SELE: variants seen among roughly 807,000 people sequenced by gnomAD.
SELE encodes the protein selectin E, also known as E-selectin.
Under a neutral mutation model 75.8 loss-of-function variants are expected in SELE, and 52 were observed. That is an observed-to-expected ratio of 0.69 (90% CI 0.55 to 0.86). The LOEUF (loss-of-function observed/expected upper bound fraction) is 0.86. Ranked by LOEUF, SELE falls within the 40% of genes least tolerant of loss-of-function variation. The pLI, the probability that SELE is intolerant of heterozygous loss-of-function variation, is 0.00. For synonymous variants in SELE, 285 were observed against 258.7 expected (o/e 1.10, Z -0.98); for missense variants, 754 against 732.7 (o/e 1.03, Z -0.34).
rs1218532016 is a variant in SELE, at chr1:169,723,694, T to A, written c.*831A>T. On this transcript the variant is annotated 3_prime_UTR_variant, in exon 14 of 14. Coordinates refer to ENST00000333360, the MANE Select transcript of SELE (RefSeq NM_000450.2). ...TTGCTAGGGGACAATAGTTTCCCTTTTTGAAATAAATTTAAAACAGATGTA... is the reference window on the plus strand; with the variant it reads ...TTGCTAGGGGACAATAGTTTCCCTTATTGAAATAAATTTAAAACAGATGTA... 6.6e-6 allele frequency: 1 copy of A among 152,260 alleles called. No individual in the cohort carries two copies. Among genetic ancestry groups the A allele is most frequent in the African/African-American group, 2.4e-5 (1 of 41,466 alleles). The allele number at this position is 152,260 out of a possible 1,614,324, so 9.4% of individuals were successfully genotyped here. A position where few individuals can be genotyped will look rare whatever the true frequency, so the allele number is the denominator to read the frequency against.
In SELE at chr1:169,725,709, T is replaced by C. The variant is rs764729914; in HGVS notation, c.*15+20A>G. 6.3e-7 allele frequency: 1 copy of C among 1,597,474 alleles called. No homozygotes were observed. The highest frequency in any genetic ancestry group is 2.2e-5 in the East Asian group (1 of 44,738). ...GAGAAGATACCTCTCTCATAACCAT[T>C]TGTGATTTACAAGTCTTACCTGATT... On this transcript the variant is annotated intron_variant, in intron 13 of 13. Transcript: ENST00000333360.
Position 169,730,645 on chromosome 1 carries a change from C to T in SELE, c.530-28G>A, listed in dbSNP as rs1164185763. On this transcript the variant is annotated intron_variant, in intron 4 of 13. Coordinates refer to ENST00000333360, the MANE Select transcript of SELE (RefSeq NM_000450.2). ...GAAAAAGAAACCCAAATCAGTTCTGCTCATCTCTCACCTTTAACAGATAAG... is the reference window on the plus strand; with the variant it reads ...GAAAAAGAAACCCAAATCAGTTCTGTTCATCTCTCACCTTTAACAGATAAG... The T allele has an allele frequency of 3.3e-6, 5 of 1,502,648 alleles. No homozygotes were observed. In the South Asian group the frequency reaches 5.3e-5, roughly 16 times the overall value. 93.1% of individuals were successfully genotyped at this position (1,502,648 alleles called of 1,614,324 possible).
In SELE at chr1:169,728,029, TTAAAA is replaced by T. The variant is rs777266669; in HGVS notation, c.1279+24_1279+28del. The T allele has an allele frequency of 2.1e-5, 33 of 1,584,946 alleles. No homozygotes were observed. In the East Asian group the frequency reaches 6.9e-4, roughly 33 times the overall value. The stretch of plus-strand genomic sequence containing the variant: ...AAGCTCTTCAATAGTTCTTTTTATC[TTAAAA>T]TAAAATAAAAACAAAGACTGTACCT... On this transcript the variant is annotated intron_variant, in intron 8 of 13. Coordinates refer to ENST00000333360, the MANE Select transcript of SELE (RefSeq NM_000450.2).
chr1:169,731,314 C>T (rs1039062949), intron 4 of SELE, among the ~76,000 whole-genome samples: 1 of 152,182 alleles, frequency 6.6e-6, no homozygotes, highest in Non-Finnish European at 1.5e-5. Flanking sequence ...GCTCATCTAA[C>T]TCTCTTAATG....
chr1:169,733,086 G>T, intron 2 of SELE, 88 bp from the exon 3 acceptor site: 1 of 1,370,574 alleles, frequency 7.3e-7, no homozygotes, highest in Non-Finnish European at 9.7e-7. Context: ...TCTTATTTTT[G>T]GCAATGTTTG....
chr1:169,730,190 G>T (rs767067069), intron 5 of SELE, among the ~76,000 whole-genome samples: 2 of 151,990 alleles, frequency 1.3e-5, no homozygotes, highest in South Asian at 2.1e-4. Flanking sequence ...TTGTTTTATG[G>T]TCTCCCTTAC....
intron 2 of SELE, among the ~76,000 whole-genome samples, chr1:169,733,273 T>C (rs926507791): frequency 6.6e-6 from 1 of 152,204 alleles, no homozygotes; most frequent in Non-Finnish European, 1.5e-5. Context: ...AACTAAGCTT[T>C]ATTGAGCACT....
chr1:169,733,607 A>G lies in SELE; in HGVS notation c.6T>C (p.Ile2=). ...TGAGAGCTGAGAGAAACTGTGAAGC[A>G]ATCATGACTTCAAGAGTTCTTTTCA... is the stretch of plus-strand genomic sequence containing the variant. M[I]ASQFLSALTL... is the part of the protein sequence containing the mutation. Residue 2 remains isoleucine (I), a synonymous_variant, in exon 2 of 14, where the codon ATT becomes ATC. Transcript: ENST00000333360. 3 of 1,614,052 alleles carry G rather than the reference A, an allele frequency of 1.9e-6. No individual in the cohort carries two copies. The highest frequency in any genetic ancestry group is 2.5e-6 in the Non-Finnish European group (3 of 1,179,894).
At chr1:169,726,661 CA>C (rs1339124043) in intron 11 of SELE, 37 bp downstream of exon 11, 1 of 1,404,506 alleles carries the variant, frequency 7.1e-7, no homozygotes, top group Non-Finnish European at 1.0e-6. Context: ...AATGTATTTT[CA>C]AAAACATTTT....
rs374959095 is a variant in SELE, at chr1:169,729,507, G to A, written c.882C>T (p.Asn294=). ...CTCTACCTTTACACGTTGGCTTCTCGTTGTCCCAATTCCCAGATGAGGTAC... is the reference window on the plus strand; with the variant it reads ...CTCTACCTTTACACGTTGGCTTCTCATTGTCCCAATTCCCAGATGAGGTAC... ...LQCTSSGNWD[N]EKPTCKAVTC... is the part of the protein sequence containing the mutation. Residue 294 remains asparagine, a synonymous_variant, in exon 6 of 14, where the codon AAC becomes AAT. Transcript: ENST00000333360. 2.0e-5 allele frequency: 33 copies of A among 1,613,962 alleles called. No individual in the cohort carries two copies. The highest frequency in any genetic ancestry group is 1.7e-5 in the Non-Finnish European group (20 of 1,179,974).
chr1:169,725,994 A>G, intron 11 of SELE, 66 bp from the exon 12 acceptor site: 1 of 1,563,798 alleles, frequency 6.4e-7, no homozygotes, highest in Non-Finnish European at 8.8e-7. Context: ...TATTAAATCC[A>G]GATACAATAT....
At chr1:169,728,615 G>A (rs1195102642) in intron 7 of SELE, among the ~76,000 whole-genome samples, 2 of 152,222 alleles carry the variant, frequency 1.3e-5, no homozygotes, top group Non-Finnish European at 2.9e-5. Flanking sequence ...CTGTTTTGCA[G>A]TTTGGTTTTT....
intron 2 of SELE, among the ~76,000 whole-genome samples, 180 bp from the exon 3 acceptor site, chr1:169,733,178 G>A (rs1316363463): frequency 6.6e-6 from 1 of 152,158 alleles, no homozygotes; most frequent in Non-Finnish European, 1.5e-5. Flanking sequence ...TATCTCTTTT[G>A]TGACTGCCAC....
At position 169,723,482 on chromosome 1, in the gene SELE, T is replaced by C. The variant is rs1648676676; in HGVS notation, c.*1043A>G. 1 of 152,268 alleles carries C rather than the reference T, an allele frequency of 6.6e-6. No individual in the cohort carries two copies. The highest frequency in any genetic ancestry group is 6.5e-5 in the Admixed American group (1 of 15,290). 9.4% of individuals were successfully genotyped at this position (152,268 alleles called of 1,614,324 possible). Reference sequence around the variant, plus strand: ...AATTATACCTTTGTGTGTTTGCATTTATGCTTTTATTAGTTCAAAACGTTT... The same window carrying C: ...AATTATACCTTTGTGTGTTTGCATTCATGCTTTTATTAGTTCAAAACGTTT... On this transcript the variant is annotated 3_prime_UTR_variant, in exon 14 of 14. Coordinates refer to ENST00000333360, the MANE Select transcript of SELE (RefSeq NM_000450.2).
At chr1:169,728,036 A>G in intron 8 of SELE, 22 bp downstream of exon 8, 1 of 1,585,896 alleles carries the variant, frequency 6.3e-7, no homozygotes, top group Non-Finnish European at 8.5e-7. Flanking sequence ...ATCTTAAAAT[A>G]AAATAAAAAC....
At chr1:169,724,605 G>C (rs1648700412) in intron 13 of SELE, 96 bp from the exon 14 acceptor site, 2 of 152,178 alleles carry the variant, frequency 1.3e-5, no homozygotes, top group Non-Finnish European at 2.9e-5. Context: ...ACTCTCACTA[G>C]GATAGACCAT....
At chr1:169,730,361 A>G in intron 5 of SELE, 71 bp downstream of exon 5, 1 of 1,321,172 alleles carries the variant, frequency 7.6e-7, no homozygotes, top group Non-Finnish European at 1.0e-6. Flanking sequence ...TGAAAATGTA[A>G]GTTGAATCAA....
At chr1:169,733,331 C>T (rs1228070652) in intron 2 of SELE, among the ~76,000 whole-genome samples, 1 of 152,048 alleles carries the variant, frequency 6.6e-6, no homozygotes, top group Non-Finnish European at 1.5e-5. Context: ...ATGAACCATG[C>T]TATTGAATCC....
Position 169,729,210 on chromosome 1 carries a change from T to C in SELE, c.1066A>G (p.Thr356Ala). 1 of 1,612,794 alleles carries C rather than the reference T, an allele frequency of 6.2e-7. No individual in the cohort carries two copies. Among genetic ancestry groups the C allele is most frequent in the Admixed American group, 1.7e-5 (1 of 59,896 alleles). ...CCTTCACAAACTGGGATTTGCTGTG[T>C]CCACTGCCCTTGAGTGGTGCATTCA... Reference protein sequence around the residue: ...QVECTTQGQWTQQIPVCEAFQ... With the variant: ...QVECTTQGQWAQQIPVCEAFQ... Residue 356 changes from threonine to alanine, a missense_variant, in exon 7 of 14, where the codon ACA (threonine) becomes GCA (alanine). By Grantham distance (58) the Thr-to-Ala change is moderately conservative. Transcript: ENST00000333360.
Sources: allele counts gnomAD v4.1 joint callset (sites outside exome capture counted in the v4.1 genomes callset), GRCh38; gene constraint gnomAD v4.1.1; transcripts MANE v1.5; gene names NCBI Gene and HGNC (gene_info 2026-07-23, HGNC 2026-07-21).